Variants in ATR observed in about 807,000 individuals in gnomAD.
The protein encoded by ATR is ATR checkpoint kinase, also known as serine/threonine-protein kinase ATR.
A neutral mutation model predicts 305.3 loss-of-function variants in ATR; 142 were observed. That is an observed-to-expected ratio of 0.47 (90% CI 0.41 to 0.53). ATR has a LOEUF of 0.53. Among genes scored for constraint, ATR ranks in the 20% least tolerant of loss-of-function variants. The pLI is 0.00. For synonymous variants in ATR, 1,050 were observed against 1,068.1 expected (o/e 0.98, Z 0.33); for missense variants, 2,135 against 3,133.1 (o/e 0.68, Z 7.60).
rs2031635136 is a variant in ATR, at chr3:142,496,327, T to TAC, written c.5898+33_5898+34insGT. ...ATATATATATATATATATATATATA[T>TAC]ATATATATATGATGACATTTCCCTG... On this transcript the variant is annotated intron_variant, in intron 34 of 46. Transcript: ENST00000350721. 58 of 382,108 alleles carry TAC rather than the reference T, an allele frequency of 1.5e-4. 5 individuals carry two copies. In the African/African-American group the frequency reaches 1.6e-3, roughly 11 times the overall value. The allele number at this position is 382,108 out of a possible 1,614,324, so 23.7% of individuals were successfully genotyped here. A position where few individuals can be genotyped will look rare whatever the true frequency, so the allele number is the denominator to read the frequency against.
At chr3:142,474,506 G>A (rs2071385419) in intron 36 of ATR, among the ~76,000 whole-genome samples, 1 of 152,054 alleles carries the variant, frequency 6.6e-6, no homozygotes, top group African/African-American at 2.4e-5. Flanking sequence ...AAATGAGATT[G>A]TCTTCTTAAT....
intron 41 of ATR, among the ~76,000 whole-genome samples, chr3:142,464,729 T>C (rs1441727090): frequency 1.3e-5 from 2 of 152,174 alleles, no homozygotes; most frequent in Non-Finnish European, 2.9e-5. Context: ...AATAGGAAGT[T>C]AATTGTTTCA....
chr3:142,528,254 A>T (rs1051850527), intron 21 of ATR, among the ~76,000 whole-genome samples: 2 of 152,192 alleles, frequency 1.3e-5, no homozygotes, highest in African/African-American at 2.4e-5. Context: ...TGTTATTTAG[A>T]TCTTCTACGT....
chr3:142,550,128 T>TG lies in ATR; in HGVS notation c.2976+3_2976+4insC. 1 of 1,614,048 alleles carries TG rather than the reference T, an allele frequency of 6.2e-7. No homozygotes were observed. Among genetic ancestry groups the TG allele is most frequent in the Non-Finnish European group, 8.5e-7 (1 of 1,179,950 alleles). ...CCTCAAGTGAACTATATGTTGCAAC[T>TG]TACAGTAAGAAAACGATTAAGATCA... is the stretch of plus-strand genomic sequence containing the variant. On this transcript the variant is annotated splice_donor_region_variant and intron_variant, in intron 14 of 46. Coordinates refer to ENST00000350721, the MANE Select transcript of ATR (RefSeq NM_001184.4).
At chr3:142,450,113 CT>C (rs2070756482) in intron 46 of ATR, 1 of 313,494 alleles carries the variant, frequency 3.2e-6, no homozygotes, top group African/African-American at 2.2e-5. Flanking sequence ...GTGGGCTGCG[CT>C]GCAGCCCACG....
At chr3:142,540,144 A>G (rs1175161139) in intron 18 of ATR, among the ~76,000 whole-genome samples, 2 of 152,186 alleles carry the variant, frequency 1.3e-5, no homozygotes, top group Non-Finnish European at 2.9e-5. Context: ...GAAAGAAAAA[A>G]TAGAGGGAAA....
At chr3:142,531,620 G>T (rs1251444209) in intron 21 of ATR, among the ~76,000 whole-genome samples, 2 of 152,166 alleles carry the variant, frequency 1.3e-5, no homozygotes, top group African/African-American at 4.8e-5. Flanking sequence ...ATTCCATGGG[G>T]TATATGTGCC....
At chr3:142,462,153 C>T in intron 41 of ATR, 63 bp from the exon 42 acceptor site, 1 of 1,451,222 alleles carries the variant, frequency 6.9e-7, no homozygotes, top group Non-Finnish European at 9.5e-7. Flanking sequence ...AATGTTATAT[C>T]AAATATATTT....
chr3:142,477,779 T>C (rs1485665429), intron 36 of ATR, among the ~76,000 whole-genome samples: 2 of 152,238 alleles, frequency 1.3e-5, no homozygotes, highest in Admixed American at 6.5e-5. Context: ...AGCCTGTTAT[T>C]GGTCCATTAA....
In ATR at chr3:142,547,751, T is replaced by G; in HGVS notation, c.3331A>C (p.Arg1111=). ...ATCAGTTCAGGTGATATGATATCTC[T>G]CGGGCCCTGATATGGATCATCACTG... ...ASSDDPYQGP[R]DIISPELMAD... The change falls in exon 16 of 47, where the codon AGA becomes CGA. Residue 1111 remains arginine, a synonymous_variant. Transcript: ENST00000350721. 1 of 1,613,876 alleles carries G rather than the reference T, an allele frequency of 6.2e-7. No individual in the cohort carries two copies. The highest frequency in any genetic ancestry group is 8.5e-7 in the Non-Finnish European group (1 of 1,179,908).
At chr3:142,532,011 G>C (rs527892874) in intron 21 of ATR, among the ~76,000 whole-genome samples, 1 of 152,300 alleles carries the variant, frequency 6.6e-6, no homozygotes, top group African/African-American at 2.4e-5. Context: ...GGCCAGTGAG[G>C]ATGAGCATTT....
At chr3:142,505,112 A>G (rs2108354893) in intron 29 of ATR, 27 bp downstream of exon 29, 3 of 1,612,988 alleles carry the variant, frequency 1.9e-6, no homozygotes, top group Non-Finnish European at 2.5e-6. Context: ...TATTTTCATT[A>G]CAGTTGCCTT....
At chr3:142,480,256 T>G (rs1033161433) in intron 36 of ATR, among the ~76,000 whole-genome samples, 1 of 152,226 alleles carries the variant, frequency 6.6e-6, no homozygotes, top group African/African-American at 2.4e-5. Context: ...GACGTACAGA[T>G]GCGGTTTTGG....
intron 35 of ATR, among the ~76,000 whole-genome samples, chr3:142,492,727 A>G (rs2031361561): frequency 1.3e-5 from 2 of 152,202 alleles, no homozygotes; most frequent in African/African-American, 2.4e-5. Flanking sequence ...AGTTCAAAGT[A>G]CTTTTCAATT....
intron 36 of ATR, among the ~76,000 whole-genome samples, chr3:142,473,397 T>C (rs577655761): frequency 6.6e-6 from 1 of 152,180 alleles, no homozygotes; most frequent in Non-Finnish European, 1.5e-5. Context: ...TTGTCAAAGA[T>C]CAATTGACTG....
chr3:142,527,360 T>G (rs1272048113), intron 21 of ATR, among the ~76,000 whole-genome samples: 1 of 152,146 alleles, frequency 6.6e-6, no homozygotes, highest in African/African-American at 2.4e-5. Context: ...TTCCTATGGA[T>G]GAAGTTCTTT....
intron 14 of ATR, 134 bp downstream of exon 14, chr3:142,549,998 G>A (rs2034415539): frequency 3.4e-6 from 4 of 1,193,256 alleles, no homozygotes; most frequent in Middle Eastern, 2.5e-4. Context: ...TAACCATAAA[G>A]AACAATGACT....
chr3:142,473,834 C>T lies in ATR; in HGVS notation c.6222-3651G>A, dbSNP rs146170790. 5.8e-3 allele frequency among the ~76,000 whole-genome samples: 889 copies of T among 152,042 alleles called. 11 individuals carry two copies. The highest frequency in any genetic ancestry group is 0.021 in the African/African-American group (853 of 41,448). On this transcript the variant is annotated intron_variant, in intron 36 of 46. Coordinates refer to ENST00000350721, the MANE Select transcript of ATR (RefSeq NM_001184.4). ...GATTACAGGTGTGAGCCACCACGCC[C>T]GGCCAGCTTTGTTCTTGCTCAAGAT...
intron 3 of ATR, among the ~76,000 whole-genome samples, chr3:142,564,438 G>A (rs2034993089): frequency 6.6e-6 from 1 of 152,090 alleles, no homozygotes; most frequent in South Asian, 2.1e-4. Context: ...TTACTGTGAG[G>A]ACCAAATAAG....
Sources: allele counts gnomAD v4.1 joint callset (sites outside exome capture counted in the v4.1 genomes callset), GRCh38; gene constraint gnomAD v4.1.1; transcripts MANE v1.5; gene names NCBI Gene and HGNC (gene_info 2026-07-23, HGNC 2026-07-21).